The following FOXP1 variants were observed in gnomAD, a reference collection of about 807,000 sequenced individuals.
FOXP1 encodes the protein forkhead box protein P1.
Under a neutral mutation model 98.2 loss-of-function variants are expected in FOXP1, and 15 were observed. That is an observed-to-expected ratio of 0.15 (90% CI 0.10 to 0.24). The LOEUF (loss-of-function observed/expected upper bound fraction) is 0.24, where lower values mean the gene tolerates loss of function less well. Ranked by LOEUF, FOXP1 falls within the 10% of genes least tolerant of loss-of-function variation. FOXP1 has a pLI of 1.00. For synonymous variants in FOXP1, 371 were observed against 314.5 expected (o/e 1.18, Z -1.90); for missense variants, 633 against 848.5 (o/e 0.75, Z 3.15).
intron 6 of FOXP1, among the ~76,000 whole-genome samples, chr3:71,164,839 T>G (rs1291619852): frequency 6.6e-6 from 1 of 152,210 alleles, no homozygotes; most frequent in Non-Finnish European, 1.5e-5. Context: ...TCTTTGAACT[T>G]CAAATCCAAT....
At chr3:71,082,551 C>T (rs2054559479) in intron 7 of FOXP1, among the ~76,000 whole-genome samples, 1 of 151,520 alleles carries the variant, frequency 6.6e-6, no homozygotes, top group South Asian at 2.1e-4. Flanking sequence ...GCGCAGCAAA[C>T]CACCAGGGCA....
intron 7 of FOXP1, among the ~76,000 whole-genome samples, chr3:71,073,945 C>T (rs2107458641): frequency 6.6e-6 from 1 of 152,292 alleles, no homozygotes; most frequent in South Asian, 2.1e-4. Context: ...ACCAGAGCCA[C>T]TCATGAACAG....
At chr3:71,081,997 C>T (rs917891314) in intron 7 of FOXP1, among the ~76,000 whole-genome samples, 6 of 151,952 alleles carry the variant, frequency 3.9e-5, no homozygotes, top group Non-Finnish European at 8.8e-5. Flanking sequence ...GACGGTGCTG[C>T]GCTGGGCGCG....
chr3:71,370,389 T>C (rs766339924), intron 3 of FOXP1, among the ~76,000 whole-genome samples: 2 of 152,064 alleles, frequency 1.3e-5, no homozygotes, highest in Admixed American at 1.3e-4. Context: ...TCTGAGAAAA[T>C]AGTACCATGA....
chr3:71,476,984 C>A (rs889486641), intron 3 of FOXP1, among the ~76,000 whole-genome samples: 2 of 152,158 alleles, frequency 1.3e-5, no homozygotes, highest in Non-Finnish European at 2.9e-5. Flanking sequence ...TTATCTCATT[C>A]TCCCTCTTGC....
At chr3:71,391,540 C>A (rs59183519) in intron 3 of FOXP1, among the ~76,000 whole-genome samples, 1 of 152,190 alleles carries the variant, frequency 6.6e-6, no homozygotes, top group African/African-American at 2.4e-5. Flanking sequence ...TTCGGTCTTT[C>A]GCTTGTGCGG....
intron 5 of FOXP1, among the ~76,000 whole-genome samples, chr3:71,258,227 G>C (rs973997461): frequency 2.6e-5 from 4 of 152,192 alleles, no homozygotes; most frequent in African/African-American, 9.7e-5. Flanking sequence ...AGACAAAAGA[G>C]TGAGTCACAC....
intron 5 of FOXP1, among the ~76,000 whole-genome samples, chr3:71,279,584 TAGAC>T (rs2071294112): frequency 6.6e-6 from 1 of 152,146 alleles, no homozygotes; most frequent in Non-Finnish European, 1.5e-5. Flanking sequence ...CCTTAGGAAA[TAGAC>T]AGGCTTGCAA....
intron 3 of FOXP1, among the ~76,000 whole-genome samples, chr3:71,467,754 T>C (rs2088922660): frequency 2.0e-5 from 3 of 152,216 alleles, no homozygotes; most frequent in Non-Finnish European, 4.4e-5. Flanking sequence ...GTAATTCTCA[T>C]ACTGAAAGAC....
intron 7 of FOXP1, among the ~76,000 whole-genome samples, chr3:71,104,029 T>C (rs2057215439): frequency 6.6e-6 from 1 of 152,114 alleles, no homozygotes; most frequent in African/African-American, 2.4e-5. Flanking sequence ...GAGATTTTGC[T>C]CAGAAGATTC....
intron 6 of FOXP1, among the ~76,000 whole-genome samples, chr3:71,134,771 A>G (rs1399153573): frequency 1.3e-5 from 2 of 152,154 alleles, no homozygotes; most frequent in Admixed American, 6.6e-5. Context: ...GAAAGGGGGG[A>G]AAAGCCCTCT....
chr3:71,198,048 C>CTGA, intron 6 of FOXP1, 154 bp downstream of exon 6: 1 of 1,614,236 alleles, frequency 6.2e-7, no homozygotes, highest in Non-Finnish European at 8.5e-7. Context: ...TCCTAGAGGG[C>CTGA]TGATGGTTTA....
intron 6 of FOXP1, chr3:71,197,968 C>T: frequency 6.2e-7 from 1 of 1,614,232 alleles, no homozygotes; most frequent in African/African-American, 1.3e-5. Flanking sequence ...AACTGCTCCC[C>T]ACAAGGGGAC....
At chr3:71,497,303 A>G (rs183433968) in intron 2 of FOXP1, among the ~76,000 whole-genome samples, 4 of 152,340 alleles carry the variant, frequency 2.6e-5, no homozygotes, top group Admixed American at 2.0e-4. Flanking sequence ...CTATAAGGAC[A>G]TTCTAAAAGA....
At chr3:71,009,916 A>ATTTTTTTTTTT (rs200610453) in intron 12 of FOXP1, among the ~76,000 whole-genome samples, 1 of 133,036 alleles carries the variant, frequency 7.5e-6, no homozygotes, top group Non-Finnish European at 1.6e-5. Context: ...ACCCAGCTGA[A>ATTTTTTTTTTT]TTTTTTTTTT....
chr3:71,010,412 A>G (rs995034970), intron 12 of FOXP1, among the ~76,000 whole-genome samples: 22 of 152,162 alleles, frequency 1.4e-4, no homozygotes, highest in African/African-American at 4.6e-4. Flanking sequence ...TGCTGGGAAT[A>G]CTACTACAAT....
rs145529918 is a variant in FOXP1, at chr3:71,291,231, C to A, written c.-12+8589G>T. ...ACACTGTCTAATAGAAATACAATGG[C>A]TGCCACATAAGTAACTGTGACGCTT... On this transcript the variant is annotated intron_variant, in intron 5 of 20. Transcript: ENST00000649528. Among the ~76,000 whole-genome samples, 676 of 152,316 alleles carry A rather than the reference C, an allele frequency of 4.4e-3. 8 individuals carry two copies. Among genetic ancestry groups the A allele is most frequent in the Admixed American group, 0.02 (304 of 15,296 alleles).
Position 71,392,224 on chromosome 3 carries a change from A to G in FOXP1, c.-167-32980T>C, listed in dbSNP as rs541774354. Among the ~76,000 whole-genome samples, 12 of 152,340 alleles carry G rather than the reference A, an allele frequency of 7.9e-5. No homozygotes were observed. The East Asian group carries it at 1.9e-3, about 24-fold the overall frequency. On this transcript the variant is annotated intron_variant, in intron 3 of 20. Transcript: ENST00000649528. ...TGTCCAAACATTACTTTTTCACCAC[A>G]TAACTGATTTTAAACTCAGCAAAGT...
intron 2 of FOXP1, among the ~76,000 whole-genome samples, chr3:71,564,750 G>A (rs1171286440): frequency 1.3e-5 from 2 of 152,296 alleles, no homozygotes; most frequent in Non-Finnish European, 1.5e-5. Context: ...TTCAGTGGAC[G>A]GGCAGACAAT....
Sources: allele counts gnomAD v4.1 joint callset (sites outside exome capture counted in the v4.1 genomes callset), GRCh38; gene constraint gnomAD v4.1.1; transcripts MANE v1.5; gene names NCBI Gene and HGNC (gene_info 2026-07-23, HGNC 2026-07-21).